The following NKAIN3 variants were observed in gnomAD, a reference collection of about 807,000 sequenced individuals.
The protein encoded by NKAIN3 is sodium/potassium-transporting ATPase subunit beta-1-interacting protein 3.
A neutral mutation model predicts 30.2 loss-of-function variants in NKAIN3; 25 were observed. The ratio of observed to expected loss-of-function variants is 0.83; its 90% CI spans 0.60 to 1.16. The LOEUF (loss-of-function observed/expected upper bound fraction) is 1.16, where lower values mean the gene tolerates loss of function less well. Ranked by LOEUF, NKAIN3 falls within the 50% of genes most tolerant of loss-of-function variation. NKAIN3 has a pLI of 0.00. For missense variants in NKAIN3, 225 were observed against 254.1 expected (o/e 0.89, Z 0.78); for synonymous variants, 91 against 89.6 (o/e 1.02, Z -0.09).
chr8:62,298,382 C>G (rs1813916336), intron 1 of NKAIN3, among the ~76,000 whole-genome samples: 1 of 151,966 alleles, frequency 6.6e-6, no homozygotes. Flanking sequence ...TCTGGCATGC[C>G]CCAGTATCAA....
At chr8:62,254,960 A>G (rs1416838891) in intron 1 of NKAIN3, among the ~76,000 whole-genome samples, 1 of 152,226 alleles carries the variant, frequency 6.6e-6, no homozygotes, top group Non-Finnish European at 1.5e-5. Context: ...CAATTGAGTA[A>G]ATAGCAGAAC....
At chr8:62,747,584 C>G (rs889608960) in intron 4 of NKAIN3, among the ~76,000 whole-genome samples, 3 of 152,194 alleles carry the variant, frequency 2.0e-5, no homozygotes, top group African/African-American at 7.2e-5. Context: ...AGACTCTTCG[C>G]ATTTTAGTGC....
At chr8:62,875,100 T>C (rs1774436915) in intron 4 of NKAIN3, among the ~76,000 whole-genome samples, 1 of 152,130 alleles carries the variant, frequency 6.6e-6, no homozygotes. Flanking sequence ...CAAACACTCC[T>C]TGAACTGATA....
At chr8:62,518,324 C>T (rs1001333217) in intron 1 of NKAIN3, among the ~76,000 whole-genome samples, 3 of 152,154 alleles carry the variant, frequency 2.0e-5, no homozygotes, top group Non-Finnish European at 4.4e-5. Flanking sequence ...TGCGCCACTG[C>T]ACTCCAGGCT....
At chr8:62,897,725 T>A (rs1309910271) in intron 4 of NKAIN3, among the ~76,000 whole-genome samples, 1 of 152,160 alleles carries the variant, frequency 6.6e-6, no homozygotes, top group Admixed American at 6.6e-5. Context: ...AATAGACTAA[T>A]GCTCTCCTTT....
At chr8:62,637,885 C>T (rs1434334781) in intron 3 of NKAIN3, among the ~76,000 whole-genome samples, 1 of 151,996 alleles carries the variant, frequency 6.6e-6, no homozygotes, top group Non-Finnish European at 1.5e-5. Context: ...TTATGTTGAC[C>T]CCTCTGCCTA....
Position 62,529,173 on chromosome 8 carries a change from T to G in NKAIN3, c.55-50366T>G, listed in dbSNP as rs540576535. Among the ~76,000 whole-genome samples, 7 of 152,304 alleles carry G rather than the reference T, an allele frequency of 4.6e-5. No homozygotes were observed. The East Asian group carries it at 1.4e-3, about 29-fold the overall frequency. ...CTTCCCATAATTCAACCTGTTTATCTGCTACTCAAGAAAGCAAATCAGGAT... is the reference window on the plus strand; with the variant it reads ...CTTCCCATAATTCAACCTGTTTATCGGCTACTCAAGAAAGCAAATCAGGAT... On this transcript the variant is annotated intron_variant, in intron 1 of 6. Coordinates refer to ENST00000623646, the MANE Select transcript of NKAIN3 (RefSeq NM_001304533.3).
At chr8:62,838,961 C>T (rs1819449599) in intron 4 of NKAIN3, among the ~76,000 whole-genome samples, 1 of 152,046 alleles carries the variant, frequency 6.6e-6, no homozygotes, top group African/African-American at 2.4e-5. Flanking sequence ...CCATCTTGCT[C>T]CTGAGTACAA....
intron 4 of NKAIN3, among the ~76,000 whole-genome samples, chr8:62,787,775 T>C (rs1471997160): frequency 1.3e-5 from 2 of 151,858 alleles, no homozygotes; most frequent in African/African-American, 4.8e-5. Flanking sequence ...TGAGAACATG[T>C]GGTGTTTGGT....
At chr8:62,849,165 G>T (rs1344476465) in intron 4 of NKAIN3, among the ~76,000 whole-genome samples, 1 of 151,940 alleles carries the variant, frequency 6.6e-6, no homozygotes, top group Non-Finnish European at 1.5e-5. Flanking sequence ...TCAGGATAAT[G>T]GTGGCCTCAT....
intron 3 of NKAIN3, among the ~76,000 whole-genome samples, chr8:62,612,058 T>G (rs987231405): frequency 1.3e-5 from 2 of 152,130 alleles, no homozygotes; most frequent in African/African-American, 4.8e-5. Flanking sequence ...AAACACCTTT[T>G]TCATAAGCCT....
chr8:62,526,012 A>T (rs925519328), intron 1 of NKAIN3, among the ~76,000 whole-genome samples: 3 of 152,110 alleles, frequency 2.0e-5, no homozygotes, highest in Non-Finnish European at 4.4e-5. Flanking sequence ...GGTCATACCC[A>T]GGTTTATGGG....
intron 1 of NKAIN3, among the ~76,000 whole-genome samples, chr8:62,283,672 C>G (rs1813276101): frequency 6.6e-6 from 1 of 151,930 alleles, no homozygotes; most frequent in Non-Finnish European, 1.5e-5. Flanking sequence ...TCAGGAGATT[C>G]CCTTAATTTA....
At chr8:62,934,198 GA>G (rs1822711094) in intron 5 of NKAIN3, among the ~76,000 whole-genome samples, 1 of 151,164 alleles carries the variant, frequency 6.6e-6, no homozygotes, top group Non-Finnish European at 1.5e-5. Context: ...CAGTCTGGGC[GA>G]CATGGTGAGA....
intron 4 of NKAIN3, among the ~76,000 whole-genome samples, chr8:62,914,170 A>T (rs1003655510): frequency 5.3e-5 from 8 of 152,242 alleles, no homozygotes; most frequent in South Asian, 2.1e-4. Context: ...ACCATAAAAA[A>T]TAACGAAATC....
rs1432622344 is a variant in NKAIN3 at position 62,908,445 on chromosome 8, G to A, written c.472-10008G>A. 2.6e-5 allele frequency among the ~76,000 whole-genome samples: 4 copies of A among 152,088 alleles called. No individual in the cohort carries two copies. The South Asian group carries it at 6.2e-4, about 24-fold the overall frequency. On this transcript the variant is annotated intron_variant, in intron 4 of 6. Transcript: ENST00000623646. ...AATGTGAGGACATGAGATTTGGTAG[G>A]GGCCAGGAGTGGAATGTTATGGTTT...
intron 4 of NKAIN3, among the ~76,000 whole-genome samples, chr8:62,750,234 C>G (rs1816232719): frequency 6.6e-6 from 1 of 151,926 alleles, no homozygotes; most frequent in African/African-American, 2.4e-5. Context: ...AGGGGAGGGA[C>G]TGACGGAGGT....
At chr8:62,838,174 A>G (rs1294923132) in intron 4 of NKAIN3, among the ~76,000 whole-genome samples, 1 of 151,262 alleles carries the variant, frequency 6.6e-6, no homozygotes. Context: ...GCATATCATG[A>G]AATATACTCA....
chr8:62,606,306 C>G (rs1237007316), intron 3 of NKAIN3, among the ~76,000 whole-genome samples: 1 of 151,884 alleles, frequency 6.6e-6, no homozygotes, highest in Non-Finnish European at 1.5e-5. Flanking sequence ...TGTTCAGGCA[C>G]AGTTCGGGAA....
Sources: allele counts gnomAD v4.1 joint callset (sites outside exome capture counted in the v4.1 genomes callset), GRCh38; gene constraint gnomAD v4.1.1; transcripts MANE v1.5; gene names NCBI Gene and HGNC (gene_info 2026-07-23, HGNC 2026-07-21).